The following FURIN variants were observed in gnomAD, a reference collection of about 807,000 sequenced individuals.
FURIN encodes the protein FES upstream region.
A neutral mutation model predicts 89.2 loss-of-function variants in FURIN; 18 were observed. The ratio of observed to expected loss-of-function variants is 0.20; its 90% CI spans 0.14 to 0.30. The LOEUF is 0.30. Ranked by LOEUF, FURIN falls within the 10% of genes least tolerant of loss-of-function variation. The pLI is 1.00. For missense variants in FURIN, 879 were observed against 1,100.5 expected, an observed-to-expected ratio of 0.80 and a Z score of 2.85; for synonymous variants, 508 against 466.4, an observed-to-expected ratio of 1.09 and a Z score of -1.15.
At chr15:90,874,996 C>G (rs112620747) in intron 1 of FURIN, among the ~76,000 whole-genome samples, 2 of 145,742 alleles carry the variant, frequency 1.4e-5, no homozygotes, top group South Asian at 4.4e-4. Flanking sequence ...TGACTCAGGG[C>G]TTGATAGTCT....
rs75999568 is a variant in FURIN at position 90,875,680 on chromosome 15, G to A, written c.-61G>A. ...GGCAGTGAGCAGGCACCTGGGAGCCGAGGCCCTGTGACCAGGCCAAGGAGA... is the reference window on the plus strand; with the variant it reads ...GGCAGTGAGCAGGCACCTGGGAGCCAAGGCCCTGTGACCAGGCCAAGGAGA... On this transcript the variant is annotated 5_prime_UTR_variant, in exon 2 of 16. Coordinates refer to ENST00000268171, the MANE Select transcript of FURIN (RefSeq NM_002569.4). The A allele has an allele frequency of 3.9e-3, 5,525 of 1,411,848 alleles. 173 individuals carry two copies. In the African/African-American group the frequency reaches 0.065, roughly 17 times the overall value. The allele number at this position is 1,411,848 out of a possible 1,614,324, so 87.5% of individuals were successfully genotyped here.
chr15:90,877,153 G>A lies in FURIN; in HGVS notation c.520G>A (p.Asp174Asn). Residue 174 changes from aspartate to asparagine, a missense_variant, in exon 6 of 16, where the codon GAT (aspartate) becomes AAT (asparagine). Physicochemically the swap from Asp to Asn is conservative, Grantham distance 23. Around this residue, in one of 5 missense-constraint regions of FURIN, gnomAD observed 139 missense variants for 215.0 expected, o/e 0.65. Transcript: ENST00000268171. The stretch of plus-strand genomic sequence containing the variant: ...TTCTTAGGATCCTGGGGCCAGTTTT[G>A]ATGTCAATGACCAGGACCCTGACCC... ...AGNYDPGASF[D>N]VNDQDPDPQP... The A allele has an allele frequency of 1.2e-6, 2 of 1,612,132 alleles. No individual in the cohort carries two copies. The highest frequency in any genetic ancestry group is 8.5e-7 in the Non-Finnish European group (1 of 1,178,942).
In FURIN at chr15:90,875,948, G is replaced by A. The variant is rs1032289390; in HGVS notation, c.177+31G>A. 10 of 1,518,414 alleles carry A rather than the reference G, an allele frequency of 6.6e-6. No individual in the cohort carries two copies. In the African/African-American group the frequency reaches 1.4e-4, roughly 21 times the overall value. The allele number at this position is 1,518,414 out of a possible 1,614,324, so 94.1% of individuals were successfully genotyped here. ...TGTTCCCCCACAGGACACTGCCAGG[G>A]GGTGGGACCAGAGAAGACAGGGATT... On this transcript the variant is annotated intron_variant, in intron 2 of 15. Coordinates refer to ENST00000268171, the MANE Select transcript of FURIN (RefSeq NM_002569.4).
Position 90,877,572 on chromosome 15 carries a change from C to T in FURIN, c.624C>T (p.Asn208=), listed in dbSNP as rs145974190. 109 of 1,579,434 alleles carry T rather than the reference C, an allele frequency of 6.9e-5. 1 individual carries two copies. The African/African-American group carries it at 1.2e-3, about 18-fold the overall frequency. The part of the protein sequence containing the change: ...CAGEVAAVAN[N]GVCGVGVAYN... ...GGGAAGTGGCTGCGGTGGCCAACAA[C>T]GGTGTCTGTGGTGTAGGTGTGGCCT... The change falls in exon 7 of 16, where the codon AAC becomes AAT. Residue 208 remains asparagine (N), a synonymous_variant. Transcript: ENST00000268171.
chr15:90,870,050 C>T (rs918672269), intron 1 of FURIN, among the ~76,000 whole-genome samples: 1 of 152,220 alleles, frequency 6.6e-6, no homozygotes, highest in Non-Finnish European at 1.5e-5. Context: ...CTGGACTTAT[C>T]TTCCCGCTCA....
Position 90,876,792 on chromosome 15 carries a change from TG to T in FURIN, c.373-102del. 7.9e-7 allele frequency: 1 copy of T among 1,270,688 alleles called. No individual in the cohort carries two copies. The highest frequency in any genetic ancestry group is 1.1e-6 in the Non-Finnish European group (1 of 890,956). 78.7% of individuals were successfully genotyped at this position (1,270,688 alleles called of 1,614,324 possible). A position where few individuals can be genotyped will look rare whatever the true frequency, so the allele number is the denominator to read the frequency against. ...AGTGGCGGCCTTTCAGGAGCAGGGA[TG>T]GTACAGGAGGAGGTTTTACGGGGGC... On this transcript the variant is annotated intron_variant, in intron 4 of 15. Transcript: ENST00000268171. This position sits in a 1 kb window ranked among gnomAD's most constrained non-coding sequence, Gnocchi z 5.0.
rs547458427 is a variant in FURIN at position 90,881,092 on chromosome 15, G to T, written c.1792+52G>T. On this transcript the variant is annotated intron_variant, in intron 15 of 15. Transcript: ENST00000268171. The surrounding 1 kb of genome is among the most constrained non-coding windows in gnomAD (Gnocchi z 4.3). ...GGGGGCCTGAGTCTGGGGGTAAGGC[G>T]GGTGCCTGTCCTGAAGCCCAGCTCT... is the stretch of plus-strand genomic sequence containing the variant. 1.5e-6 allele frequency: 2 copies of T among 1,378,036 alleles called. No homozygotes were observed. Among genetic ancestry groups the T allele is most frequent in the South Asian group, 2.3e-5 (2 of 86,308 alleles). The allele number at this position is 1,378,036 out of a possible 1,614,324, so 85.4% of individuals were successfully genotyped here.
At chr15:90,880,571 T>A in intron 13 of FURIN, 120 bp from the exon 14 acceptor site, 1 of 1,116,152 alleles carries the variant, frequency 9.0e-7, no homozygotes, top group African/African-American at 1.6e-5. Flanking sequence ...AGCAGGCACT[T>A]CTGGCCCCAT....
Position 90,875,811 on chromosome 15 carries a change from C to G in FURIN, c.71C>G (p.Ala24Gly). 1 of 1,564,018 alleles carries G rather than the reference C, an allele frequency of 6.4e-7. No homozygotes were observed. Among genetic ancestry groups the G allele is most frequent in the Non-Finnish European group, 8.7e-7 (1 of 1,153,470 alleles). The part of the protein sequence containing the change: ...TGTLVLLAAD[A>G]QGQKVFTNTW... The stretch of plus-strand genomic sequence containing the variant: ...ACCTTGGTCCTGCTAGCAGCTGATG[C>G]TCAGGGCCAGAAGGTCTTCACCAAC... Residue 24 changes from alanine to glycine, a missense_variant, in exon 2 of 16, where the codon GCT becomes GGT. Ala to Gly is a moderately conservative substitution (Grantham distance 60). Transcript: ENST00000268171.
Position 90,880,801 on chromosome 15 carries a change from A to G in FURIN, c.1667A>G (p.Glu556Gly). The G allele has an allele frequency of 6.2e-7, 1 of 1,613,646 alleles. No homozygotes were observed. The highest frequency in any genetic ancestry group is 1.3e-5 in the African/African-American group (1 of 75,016). The change falls in exon 14 of 16, where the codon GAA becomes GGA. Residue 556 changes from glutamate to glycine, a missense_variant. Around this residue, in one of 5 missense-constraint regions of FURIN, gnomAD observed 457 missense variants for 490.7 expected, o/e 0.93. Transcript: ENST00000268171. ...GTCCTAGAGATTGAAAACACCAGCG[A>G]AGCCAACAACTATGGTACTGGGGGC... ...EWVLEIENTS[E>G]ANNYGTLTKF...
rs1203211520 is a variant in FURIN at position 90,876,645 on chromosome 15, AG to A, written c.372+90del. ...TCTTGGATGGAGGAGGCTGTCTTCG[AG>A]GCCTCCTCTGATTCGTTTCCTTTCC... On this transcript the variant is annotated intron_variant, in intron 4 of 15. Coordinates refer to ENST00000268171, the MANE Select transcript of FURIN (RefSeq NM_002569.4). This position sits in a 1 kb window ranked among gnomAD's most constrained non-coding sequence, Gnocchi z 5.0. 1 of 928,560 alleles carries A rather than the reference AG, an allele frequency of 1.1e-6. No individual in the cohort carries two copies. The allele number at this position is 928,560 out of a possible 1,614,324, so 57.5% of individuals were successfully genotyped here. A position where few individuals can be genotyped will look rare whatever the true frequency, so the allele number is the denominator to read the frequency against.
Position 90,876,765 on chromosome 15 carries a change from C to T in FURIN, c.373-131C>T, listed in dbSNP as rs930857449. 3.4e-5 allele frequency: 35 copies of T among 1,030,122 alleles called. No homozygotes were observed. The highest frequency in any genetic ancestry group is 4.7e-5 in the Non-Finnish European group (32 of 687,152). 63.8% of individuals were successfully genotyped at this position (1,030,122 alleles called of 1,614,324 possible). A position where few individuals can be genotyped will look rare whatever the true frequency, so the allele number is the denominator to read the frequency against. ...CTACATTCCCATGGAGTCCAGACAG[C>T]CAGTGGCGGCCTTTCAGGAGCAGGG... On this transcript the variant is annotated intron_variant, in intron 4 of 15. Transcript: ENST00000268171. This position sits in a 1 kb window ranked among gnomAD's most constrained non-coding sequence, Gnocchi z 5.0.
Position 90,880,087 on chromosome 15 carries a change from T to C in FURIN, c.1377-7T>C, listed in dbSNP as rs750532291. ...CAGGCTGACCATCATGGTGCTCTCC[T>C]GCACAGAGACATCGGGAAACGGCTC... On this transcript the variant is annotated splice_region_variant and splice_polypyrimidine_tract_variant and intron_variant, in intron 12 of 15. Coordinates refer to ENST00000268171, the MANE Select transcript of FURIN (RefSeq NM_002569.4). 6.2e-7 allele frequency: 1 copy of C among 1,604,392 alleles called. No individual in the cohort carries two copies.
chr15:90,878,079 C>A, intron 7 of FURIN, 53 bp from the exon 8 acceptor site: 1 of 1,588,640 alleles, frequency 6.3e-7, no homozygotes, highest in South Asian at 1.1e-5. Flanking sequence ...GGTGGGGGCC[C>A]TGACAGCTGG....
chr15:90,882,013 A>T lies in FURIN; in HGVS notation c.*135A>T. 1.5e-6 allele frequency: 1 copy of T among 658,768 alleles called. No individual in the cohort carries two copies. The highest frequency in any genetic ancestry group is 1.9e-5 in the African/African-American group (1 of 53,872). 40.8% of individuals were successfully genotyped at this position (658,768 alleles called of 1,614,324 possible). On this transcript the variant is annotated 3_prime_UTR_variant, in exon 16 of 16. Transcript: ENST00000268171. ...AGGGGTGGAGACTGCTTCCCATCCTACCCTCGGGCCCACCTGGCCACCTGA... is the reference window on the plus strand; with the variant it reads ...AGGGGTGGAGACTGCTTCCCATCCTTCCCTCGGGCCCACCTGGCCACCTGA...
In FURIN at chr15:90,875,607, C is replaced by A; in HGVS notation, c.-134C>A. 1 of 713,124 alleles carries A rather than the reference C, an allele frequency of 1.4e-6. No individual in the cohort carries two copies. The highest frequency in any genetic ancestry group is 2.3e-6 in the Non-Finnish European group (1 of 443,624). 44.2% of individuals were successfully genotyped at this position (713,124 alleles called of 1,614,324 possible). A position where few individuals can be genotyped will look rare whatever the true frequency, so the allele number is the denominator to read the frequency against. On this transcript the variant is annotated 5_prime_UTR_variant, in exon 2 of 16. Coordinates refer to ENST00000268171, the MANE Select transcript of FURIN (RefSeq NM_002569.4). ...GGTCGGCACTCTTCACCCTCCCGAG[C>A]CCTGCCCGTCTCGGCCCCATGCCCC...
chr15:90,875,558 C>T, intron 1 of FURIN, 24 bp from the exon 2 acceptor site: 1 of 535,498 alleles, frequency 1.9e-6, no homozygotes, highest in South Asian at 2.6e-5. Flanking sequence ...CCTCTCTCCC[C>T]TTTTCCCCTC....
rs763419951 is a variant in FURIN, at chr15:90,878,717, T to G, written c.841-47T>G. On this transcript the variant is annotated intron_variant, in intron 8 of 15. Transcript: ENST00000268171. ...TCCAGCAGTGTCCTCCTGCCAGCCC[T>G]CCCTCAAGTCCCAATCTTGAATGAC... is the stretch of plus-strand genomic sequence containing the variant. The G allele has an allele frequency of 4.3e-6, 5 of 1,162,124 alleles. No individual in the cohort carries two copies. In the South Asian group the frequency reaches 5.1e-5, roughly 12 times the overall value. 72.0% of individuals were successfully genotyped at this position (1,162,124 alleles called of 1,614,324 possible).
rs907763352 is a variant in FURIN at position 90,877,419 on chromosome 15, G to A, written c.579-108G>A. The A allele has an allele frequency of 7.3e-6, 7 of 953,810 alleles. No homozygotes were observed. The Admixed American group carries it at 9.1e-5, about 12-fold the overall frequency. 59.1% of individuals were successfully genotyped at this position (953,810 alleles called of 1,614,324 possible). A position where few individuals can be genotyped will look rare whatever the true frequency, so the allele number is the denominator to read the frequency against. ...TGGGAGATGGGGGCTGGGTACTCAG[G>A]GGATGATGGGTGTCGGATGTGCGGA... On this transcript the variant is annotated intron_variant, in intron 6 of 15. Transcript: ENST00000268171.
Sources: gnomAD v4.1 joint callset for allele counts (sites outside exome capture counted in the v4.1 genomes callset) on GRCh38, gnomAD v4.1.1 for gene constraint, gnomAD v4.1.1 regional missense constraint, Gnocchi (gnomAD v3.1) non-coding constraint, MANE v1.5 for transcripts, NCBI Gene and HGNC (gene_info 2026-07-23, HGNC 2026-07-21) for gene names.